CAMTA1: variants seen among roughly 807,000 people sequenced by gnomAD.
The protein encoded by CAMTA1 is calmodulin binding transcription activator 1.
In CAMTA1, 27 loss-of-function variants were observed where a neutral mutation model predicts 170.9. The observed-to-expected ratio is 0.16, with a 90% confidence interval of 0.12 to 0.22. CAMTA1 has a LOEUF of 0.22. Among genes scored for constraint, CAMTA1 ranks in the 10% least tolerant of loss-of-function variants. The pLI is 1.00. For synonymous variants in CAMTA1, 833 were observed against 891.5 expected, an observed-to-expected ratio of 0.93 and a Z score of 1.17; for missense variants, 1,619 against 2,217.2, an observed-to-expected ratio of 0.73 and a Z score of 5.42.
chr1:7,745,763 C>T (rs2096852878), intron 17 of CAMTA1, 82 bp from the exon 18 acceptor site: 2 of 1,551,528 alleles, frequency 1.3e-6, no homozygotes, highest in South Asian at 1.2e-5. Context: ...TGGCAGATAC[C>T]ATCTTGGCTC....
chr1:7,498,286 G>A (rs914266030), intron 6 of CAMTA1, among the ~76,000 whole-genome samples: 10 of 150,432 alleles, frequency 6.6e-5, no homozygotes, highest in African/African-American at 1.7e-4. Context: ...GTGTGAGCGT[G>A]TATGAGCGTG....
chr1:6,872,951 A>G (rs1287126902), intron 3 of CAMTA1, among the ~76,000 whole-genome samples: 1 of 152,212 alleles, frequency 6.6e-6, no homozygotes, highest in Non-Finnish European at 1.5e-5. Flanking sequence ...TGATACCTAT[A>G]AAAGTTTATG....
At chr1:7,190,386 T>C (rs1654289588) in intron 4 of CAMTA1, among the ~76,000 whole-genome samples, 1 of 152,224 alleles carries the variant, frequency 6.6e-6, no homozygotes, top group Non-Finnish European at 1.5e-5. Flanking sequence ...GTAATACATG[T>C]GTGTATTACA....
Position 7,663,923 on chromosome 1 carries a change from A to G in CAMTA1, c.1376A>G (p.Asn459Ser). The G allele has an allele frequency of 3.1e-6, 5 of 1,613,662 alleles. No homozygotes were observed. The highest frequency in any genetic ancestry group is 4.2e-6 in the Non-Finnish European group (5 of 1,179,958). Residue 459 changes from asparagine to serine, a missense_variant, in exon 9 of 23, where the codon AAC becomes AGC. Asn to Ser is a conservative substitution (Grantham distance 46). Around this residue, in one of 8 missense-constraint regions of CAMTA1, gnomAD observed 731 missense variants for 907.6 expected, o/e 0.81. Coordinates refer to ENST00000303635, the MANE Select transcript of CAMTA1 (RefSeq NM_015215.4). ...GAGAGCCTGTCCATGCTGCCCACCA[A>G]CGTGTCCGAAGAGCTGGTCCTCTCC... ...SSESLSMLPT[N>S]VSEELVLSTT...
intron 3 of CAMTA1, among the ~76,000 whole-genome samples, chr1:6,936,853 T>C (rs1685393407): frequency 6.6e-6 from 1 of 152,008 alleles, no homozygotes; most frequent in African/African-American, 2.4e-5. Flanking sequence ...CTGGGCGTGG[T>C]GGCAGGCGCC....
chr1:7,568,742 C>CGTCATCACCAAATCACCATCATCA (rs1305151125), intron 6 of CAMTA1, among the ~76,000 whole-genome samples: 2 of 142,370 alleles, frequency 1.4e-5, no homozygotes, highest in African/African-American at 5.2e-5. Flanking sequence ...CATCACCATC[C>CGTCATCACCAAATCACCATCATCA]TCATCACCAC....
chr1:7,313,655 T>G (rs551627233), intron 5 of CAMTA1, among the ~76,000 whole-genome samples: 8 of 152,344 alleles, frequency 5.3e-5, no homozygotes, highest in Admixed American at 1.3e-4. Context: ...AACATCATAT[T>G]TACTCCACTA....
intron 4 of CAMTA1, among the ~76,000 whole-genome samples, chr1:7,154,356 A>G (rs1467444247): frequency 6.6e-6 from 1 of 152,150 alleles, no homozygotes; most frequent in African/African-American, 2.4e-5. Flanking sequence ...GGGGTGCATC[A>G]GTGAATGAGC....
chr1:7,294,957 T>A (rs1466333389), intron 5 of CAMTA1, among the ~76,000 whole-genome samples: 1 of 152,232 alleles, frequency 6.6e-6, no homozygotes, highest in East Asian at 1.9e-4. Flanking sequence ...TCCAAGATCG[T>A]TCTGATGTGG....
chr1:7,501,211 C>T (rs1208528221), intron 6 of CAMTA1, among the ~76,000 whole-genome samples: 3 of 152,136 alleles, frequency 2.0e-5, no homozygotes, highest in Non-Finnish European at 4.4e-5. Context: ...CAGTCCCTGC[C>T]CTTCCAGTCA....
chr1:7,031,625 C>T (rs570583748), intron 3 of CAMTA1, among the ~76,000 whole-genome samples: 9 of 152,182 alleles, frequency 5.9e-5, no homozygotes, highest in South Asian at 2.1e-4. Flanking sequence ...CTGCAACCTC[C>T]GCCTCCCGGG....
chr1:6,890,623 T>C (rs888401466), intron 3 of CAMTA1, among the ~76,000 whole-genome samples: 2 of 150,608 alleles, frequency 1.3e-5, no homozygotes, highest in Non-Finnish European at 3.0e-5. Flanking sequence ...CTGGAGGGAG[T>C]GCAGTGGTAT....
chr1:7,386,573 C>G (rs538144038), intron 5 of CAMTA1, among the ~76,000 whole-genome samples: 2 of 152,294 alleles, frequency 1.3e-5, no homozygotes, highest in African/African-American at 2.4e-5. Flanking sequence ...AAGGCCTCCT[C>G]CTACGCAGCG....
At chr1:7,406,415 C>T (rs561298544) in intron 5 of CAMTA1, among the ~76,000 whole-genome samples, 11 of 152,270 alleles carry the variant, frequency 7.2e-5, no homozygotes, top group Non-Finnish European at 1.0e-4. Context: ...CAGTCCTCCA[C>T]GTCTTAGATG....
intron 6 of CAMTA1, 82 bp downstream of exon 6, chr1:7,467,983 G>A (rs1237669556): frequency 1.3e-5 from 15 of 1,152,852 alleles, no homozygotes; most frequent in East Asian, 2.3e-5. Context: ...GCGGGGCTCC[G>A]CATGCGACAC....
At chr1:7,062,874 A>T (rs1708446241) in intron 3 of CAMTA1, among the ~76,000 whole-genome samples, 1 of 151,846 alleles carries the variant, frequency 6.6e-6, no homozygotes, top group Non-Finnish European at 1.5e-5. Flanking sequence ...CTCCATCTTC[A>T]CGCGGCCTCC....
rs553444631 is a variant in CAMTA1, at chr1:7,748,478, A to G, written c.4689+697A>G. Among the ~76,000 whole-genome samples the G allele has an allele frequency of 1.3e-5, 2 of 152,274 alleles. No homozygotes were observed. Among genetic ancestry groups the G allele is most frequent in the South Asian group, 2.1e-4 (1 of 4,826 alleles). On this transcript the variant is annotated intron_variant, in intron 19 of 22. Coordinates refer to ENST00000303635, the MANE Select transcript of CAMTA1 (RefSeq NM_015215.4). This position sits in a 1 kb window ranked among gnomAD's most constrained non-coding sequence, Gnocchi z 4.7. ...TGTCCAAATTTTTGATCTTTTAGTA[A>G]TATTACCTACCTGAGATACTGGTCT...
In CAMTA1 at chr1:7,680,848, G is replaced by T. The variant is rs929828792; in HGVS notation, c.2914+3115G>T. Among the ~76,000 whole-genome samples the T allele has an allele frequency of 7.9e-4, 86 of 108,350 alleles. 2 individuals are homozygous for T. Among genetic ancestry groups the T allele is most frequent in the Admixed American group, 5.5e-4 (6 of 10,970 alleles). The allele number at this position is 108,350 out of a possible 152,430, so 71.1% of individuals were successfully genotyped here. A position where few individuals can be genotyped will look rare whatever the true frequency, so the allele number is the denominator to read the frequency against. On this transcript the variant is annotated intron_variant, in intron 11 of 22. Transcript: ENST00000303635. This position sits in a 1 kb window ranked among gnomAD's most constrained non-coding sequence, Gnocchi z 4.4. ...GGTCCGGGGCGCAGAGAACACGCGC[G>T]CGCGCGCGCGCGCCAGCAGCAGCAG...
chr1:7,742,042 TGATA>T (rs2096822519), intron 16 of CAMTA1, among the ~76,000 whole-genome samples: 1 of 150,054 alleles, frequency 6.7e-6, no homozygotes, highest in Non-Finnish European at 1.5e-5. Flanking sequence ...GAAAATGAAA[TGATA>T]GATAACAGCT....
Sources: allele counts gnomAD v4.1 joint callset (sites outside exome capture counted in the v4.1 genomes callset), GRCh38; gene constraint gnomAD v4.1.1; regional missense constraint gnomAD v4.1.1; non-coding constraint Gnocchi (gnomAD v3.1); transcripts MANE v1.5; gene names NCBI Gene and HGNC (gene_info 2026-07-23, HGNC 2026-07-21).